Variants in TENM3 observed in about 807,000 individuals in gnomAD.
TENM3 encodes teneurin-3.
In TENM3, 63 loss-of-function variants were observed where a neutral mutation model predicts 255.1. The ratio of observed to expected loss-of-function variants is 0.25; its 90% confidence interval spans 0.20 to 0.30. The LOEUF is 0.30. Ranked by LOEUF, TENM3 falls within the 10% of genes least tolerant of loss-of-function variation. The pLI is 1.00. For missense variants in TENM3, 2,929 were observed against 3,461.1 expected, an observed-to-expected ratio of 0.85 and a Z score of 3.86; for synonymous variants, 1,306 against 1,322.3, an observed-to-expected ratio of 0.99 and a Z score of 0.27.
At chr4:181,970,212 T>C in the TENM3 span, among the ~76,000 whole-genome samples, 3 of 152,170 alleles carry the variant, frequency 2.0e-5, no homozygotes, top group East Asian at 5.8e-4. Context: ...TAAATAATAA[T>C]GAGGGTTAAA....
the TENM3 span, among the ~76,000 whole-genome samples, chr4:181,607,413 A>AT: frequency 0.64 from 94,430 of 147,546 alleles, 30,132 homozygotes; most frequent in Non-Finnish European, 0.65. Context: ...TTGGCATTTA[A>AT]TTTTTTTTTT....
chr4:182,472,727 AT>A (rs11411559), intron 3 of TENM3, among the ~76,000 whole-genome samples: 6,590 of 151,608 alleles, frequency 0.043, 177 homozygotes, highest in Non-Finnish European at 0.058. Context: ...TTATATCACA[AT>A]TTTTTTTTAA....
At chr4:182,555,909 T>C (rs1385347357) in intron 3 of TENM3, among the ~76,000 whole-genome samples, 1 of 152,082 alleles carries the variant, frequency 6.6e-6, no homozygotes, top group Non-Finnish European at 1.5e-5. Context: ...CTGGAATTAC[T>C]TTTTTTATTC....
the TENM3 span, among the ~76,000 whole-genome samples, chr4:182,002,063 C>T: frequency 3.9e-5 from 6 of 152,118 alleles, no homozygotes; most frequent in Admixed American, 6.5e-5. Context: ...CCTTGGTTTT[C>T]GACTTATTGA....
chr4:182,640,625 C>A (rs142086823), intron 5 of TENM3, among the ~76,000 whole-genome samples: 212 of 152,124 alleles, frequency 1.4e-3, no homozygotes, highest in Non-Finnish European at 2.2e-3. Context: ...AGAAGCATTG[C>A]ATGTTTAAAA....
chr4:182,156,114 G>A (rs757595195), intron 1 of TENM3, among the ~76,000 whole-genome samples: 13 of 151,482 alleles, frequency 8.6e-5, no homozygotes, highest in Non-Finnish European at 1.8e-4. Flanking sequence ...AAGGAGAGCA[G>A]GACTATGTTG....
the TENM3 span, among the ~76,000 whole-genome samples, chr4:181,741,006 G>T: frequency 6.6e-6 from 1 of 152,122 alleles, no homozygotes; most frequent in African/African-American, 2.4e-5. Context: ...AGAGATATCA[G>T]AAAATCCTGA....
At chr4:181,556,039 CA>C in the TENM3 span, among the ~76,000 whole-genome samples, 1 of 152,134 alleles carries the variant, frequency 6.6e-6, no homozygotes, top group Non-Finnish European at 1.5e-5. Flanking sequence ...TCCAGGTTTT[CA>C]TGTGTTTACT....
chr4:182,069,837 G>T, the TENM3 span, among the ~76,000 whole-genome samples: 1 of 152,114 alleles, frequency 6.6e-6, no homozygotes, highest in Non-Finnish European at 1.5e-5. Context: ...CAGATGAAGG[G>T]AGGAGTTTCT....
intron 1 of TENM3, among the ~76,000 whole-genome samples, chr4:182,167,107 T>TA: frequency 6.6e-6 from 1 of 152,350 alleles, no homozygotes; most frequent in South Asian, 2.1e-4. Flanking sequence ...AGTATTTATG[T>TA]AAAACCACTA....
At chr4:182,087,579 A>G in the TENM3 span, among the ~76,000 whole-genome samples, 1 of 152,152 alleles carries the variant, frequency 6.6e-6, no homozygotes, top group Non-Finnish European at 1.5e-5. Flanking sequence ...GAAGGATGGA[A>G]GTCTGAGAGG....
chr4:181,605,613 GAAAAGAAA>G, the TENM3 span, among the ~76,000 whole-genome samples: 1 of 107,366 alleles, frequency 9.3e-6, no homozygotes, highest in Non-Finnish European at 2.2e-5. Context: ...AAGAAAGAAA[GAAAAGAAA>G]GAACAAGCAA....
the TENM3 span, among the ~76,000 whole-genome samples, chr4:182,013,137 G>A: frequency 1.1e-4 from 17 of 152,248 alleles, 1 homozygote; most frequent in Admixed American, 5.9e-4. Context: ...GTTTAATTCC[G>A]AAACTGCATC....
At chr4:181,996,221 C>T in the TENM3 span, among the ~76,000 whole-genome samples, 3 of 150,666 alleles carry the variant, frequency 2.0e-5, no homozygotes, top group South Asian at 4.2e-4. Flanking sequence ...AAGACAAGCA[C>T]AGAAACACAA....
intron 13 of TENM3, 97 bp from the exon 14 acceptor site, chr4:182,728,868 G>T: frequency 1.2e-6 from 1 of 803,906 alleles, no homozygotes; most frequent in Non-Finnish European, 1.8e-6. Flanking sequence ...GAAATCACTT[G>T]ATGTGAAAAA....
intron 3 of TENM3, among the ~76,000 whole-genome samples, chr4:182,561,920 A>G (rs919600035): frequency 2.0e-5 from 3 of 152,038 alleles, no homozygotes; most frequent in African/African-American, 7.2e-5. Context: ...GCACCAACCT[A>G]TATAAGACAT....
intron 3 of TENM3, among the ~76,000 whole-genome samples, chr4:182,362,055 G>GCT (rs1305920167): frequency 6.6e-6 from 1 of 152,190 alleles, no homozygotes; most frequent in Non-Finnish European, 1.5e-5. Context: ...CGCGAAAGCT[G>GCT]CTGTCTGATA....
chr4:182,232,970 T>A (rs1026258439), intron 1 of TENM3, among the ~76,000 whole-genome samples: 2 of 152,140 alleles, frequency 1.3e-5, no homozygotes, highest in African/African-American at 4.8e-5. Context: ...TTTCTGGAAT[T>A]TTCCATTTAA....
chr4:181,546,533 G>A, the TENM3 span, among the ~76,000 whole-genome samples: 3 of 148,802 alleles, frequency 2.0e-5, no homozygotes, highest in South Asian at 2.2e-4. Context: ...GGCTAACACG[G>A]TGAAACCCCG....
Sources: gnomAD v4.1 joint callset for allele counts (sites outside exome capture counted in the v4.1 genomes callset) on GRCh38, gnomAD v4.1.1 for gene constraint, MANE v1.5 for transcripts, NCBI Gene and HGNC (gene_info 2026-07-23, HGNC 2026-07-21) for gene names.